Variants in RASAL1 observed in about 807,000 individuals in gnomAD.
RASAL1 encodes the protein rasGAP-activating-like protein 1.
In RASAL1, 72 loss-of-function variants were observed where a neutral mutation model predicts 96.6. The observed-to-expected ratio is 0.75, with a 90% confidence interval of 0.62 to 0.91. The LOEUF is 0.91. Among genes scored for constraint, RASAL1 ranks in the 40% least tolerant of loss-of-function variants. RASAL1 has a pLI of 0.00. For missense variants in RASAL1, 1,016 were observed against 1,072.5 expected (o/e 0.95, Z 0.74); for synonymous variants, 405 against 430.4 (o/e 0.94, Z 0.73).
At chr12:113,120,420 C>A (rs1951251816) in intron 5 of RASAL1, among the ~76,000 whole-genome samples, 2 of 152,150 alleles carry the variant, frequency 1.3e-5, no homozygotes, top group Non-Finnish European at 2.9e-5. Flanking sequence ...CTCTAGGAAG[C>A]CCCAGCTGAG....
At position 113,135,551 on chromosome 12, in the gene RASAL1, T is replaced by C. The variant is rs1951882961; in HGVS notation, c.-89A>G. On this transcript the variant is annotated 5_prime_UTR_variant, in exon 1 of 21. Transcript: ENST00000548055. The surrounding 1 kb of genome is among the most constrained non-coding windows in gnomAD (Gnocchi z 5.7). ...GTCTACATGTCACCTGCTTCAAGCC[T>C]GGCTCCCTGCCTCGTGGTCCCAGTG... 1 of 1,157,272 alleles carries C rather than the reference T, an allele frequency of 8.6e-7. No individual in the cohort carries two copies. Among genetic ancestry groups the C allele is most frequent in the South Asian group, 1.4e-5 (1 of 70,680 alleles). 71.7% of individuals were successfully genotyped at this position (1,157,272 alleles called of 1,614,324 possible). A position where few individuals can be genotyped will look rare whatever the true frequency, so the allele number is the denominator to read the frequency against.
chr12:113,135,552 G>T lies in RASAL1; in HGVS notation c.-90C>A. The T allele has an allele frequency of 8.7e-7, 1 of 1,149,706 alleles. No homozygotes were observed. Among genetic ancestry groups the T allele is most frequent in the Non-Finnish European group, 1.3e-6 (1 of 795,812 alleles). 71.2% of individuals were successfully genotyped at this position (1,149,706 alleles called of 1,614,324 possible). A position where few individuals can be genotyped will look rare whatever the true frequency, so the allele number is the denominator to read the frequency against. ...TCTACATGTCACCTGCTTCAAGCCT[G>T]GCTCCCTGCCTCGTGGTCCCAGTGC... On this transcript the variant is annotated 5_prime_UTR_variant, in exon 1 of 21. Transcript: ENST00000548055. This position sits in a 1 kb window ranked among gnomAD's most constrained non-coding sequence, Gnocchi z 5.7.
intron 4 of RASAL1, 118 bp from the exon 5 acceptor site, chr12:113,121,756 C>T: frequency 8.1e-7 from 1 of 1,236,920 alleles, no homozygotes; most frequent in Non-Finnish European, 1.1e-6. Flanking sequence ...GGGTCTGGTT[C>T]TGTTGCCCAG....
chr12:113,105,316 T>C (rs745423167), intron 16 of RASAL1, among the ~76,000 whole-genome samples: 13 of 152,390 alleles, frequency 8.5e-5, no homozygotes, highest in Non-Finnish European at 1.9e-4. Flanking sequence ...AACGAGTGAA[T>C]GAATGCTTGG....
At chr12:113,112,546 C>T (rs1448342543) in intron 12 of RASAL1, among the ~76,000 whole-genome samples, 1 of 152,186 alleles carries the variant, frequency 6.6e-6, no homozygotes, top group East Asian at 1.9e-4. Context: ...TCACCCCCTG[C>T]AAGTCTTTGC....
At chr12:113,110,647 C>A (rs950027314) in intron 13 of RASAL1, among the ~76,000 whole-genome samples, 4 of 152,126 alleles carry the variant, frequency 2.6e-5, no homozygotes, top group Non-Finnish European at 4.4e-5. Flanking sequence ...AGGCCGGGCG[C>A]GGTGGTTCAC....
chr12:113,112,563 G>A (rs988753647), intron 12 of RASAL1, among the ~76,000 whole-genome samples: 1 of 152,114 alleles, frequency 6.6e-6, no homozygotes, highest in Admixed American at 6.5e-5. Context: ...TTGCTTAGAT[G>A]TCCCCTCCCC....
intron 13 of RASAL1, 52 bp downstream of exon 13, chr12:113,112,034 C>T: frequency 8.2e-7 from 1 of 1,226,454 alleles, no homozygotes; most frequent in Admixed American, 4.2e-5. Flanking sequence ...CTCCGAGTGA[C>T]CCCGGACAAG....
chr12:113,107,038 C>T lies in RASAL1; in HGVS notation c.1657+59G>A, dbSNP rs115198254. On this transcript the variant is annotated intron_variant, in intron 15 of 20. Transcript: ENST00000548055. ...GAGCTGGAGGGGGAAAGGGGAAGTC[C>T]CTGAGTGGTGTCTCAACTGGGCTGA... The T allele has an allele frequency of 5.8e-4, 894 of 1,535,866 alleles. 4 individuals are homozygous for T. In the African/African-American group the frequency reaches 0.012, roughly 20 times the overall value.
intron 8 of RASAL1, 57 bp from the exon 9 acceptor site, chr12:113,116,108 G>T: frequency 2.1e-6 from 3 of 1,431,134 alleles, no homozygotes; most frequent in East Asian, 2.4e-5. Flanking sequence ...GATGGCTCAC[G>T]CCTGTAATCC....
intron 11 of RASAL1, 70 bp from the exon 12 acceptor site, chr12:113,114,982 AG>A: frequency 6.2e-6 from 8 of 1,284,274 alleles, no homozygotes; most frequent in Non-Finnish European, 9.0e-6. Flanking sequence ...AGCTGGGCGC[AG>A]GGGGGACCAT....
intron 18 of RASAL1, among the ~76,000 whole-genome samples, chr12:113,103,299 A>C (rs932596354): frequency 6.6e-6 from 1 of 150,814 alleles, no homozygotes; most frequent in African/African-American, 2.4e-5. Context: ...TGTTAATAAC[A>C]ATGTATAACA....
chr12:113,117,153 G>A lies in RASAL1; in HGVS notation c.651C>T (p.Phe217=). ...GCTTCTGCTGGAGGGTCTTTGGAGA[G>A]AACTCCACCTTTTGAGAGAGACACA... The part of the protein sequence containing the change: ...GKNDFLGMVE[F]SPKTLQQKPP... The change falls in exon 8 of 21, where the codon TTC becomes TTT. Residue 217 remains phenylalanine (F), a synonymous_variant. Coordinates refer to ENST00000548055, the MANE Select transcript of RASAL1 (RefSeq NM_001301202.2). 1 of 1,597,986 alleles carries A rather than the reference G, an allele frequency of 6.3e-7. No homozygotes were observed. Among genetic ancestry groups the A allele is most frequent in the Non-Finnish European group, 8.6e-7 (1 of 1,167,668 alleles).
At chr12:113,118,344 T>C (rs1951165908) in intron 7 of RASAL1, among the ~76,000 whole-genome samples, 1 of 152,250 alleles carries the variant, frequency 6.6e-6, no homozygotes, top group South Asian at 2.1e-4. Flanking sequence ...CTTACTGTAC[T>C]TCATTCCTTT....
At chr12:113,101,095 G>A (rs888277031) in intron 19 of RASAL1, among the ~76,000 whole-genome samples, 4 of 152,102 alleles carry the variant, frequency 2.6e-5, no homozygotes, top group Non-Finnish European at 5.9e-5. Flanking sequence ...CCACGAGGTC[G>A]CCACCATTAT....
rs1245162828 is a variant in RASAL1, at chr12:113,101,813, G to T, written c.2225+76C>A. 4 of 1,525,402 alleles carry T rather than the reference G, an allele frequency of 2.6e-6. No homozygotes were observed. The African/African-American group carries it at 4.1e-5, about 16-fold the overall frequency. 94.5% of individuals were successfully genotyped at this position (1,525,402 alleles called of 1,614,324 possible). A position where few individuals can be genotyped will look rare whatever the true frequency, so the allele number is the denominator to read the frequency against. ...ACACACATGGGAAGAATGAATAAAT[G>T]GACACAGCAAGGCCACGGTGGGGGG... On this transcript the variant is annotated intron_variant, in intron 19 of 20. Transcript: ENST00000548055.
intron 4 of RASAL1, among the ~76,000 whole-genome samples, chr12:113,125,567 A>T (rs1211969815): frequency 6.6e-6 from 1 of 152,256 alleles, no homozygotes; most frequent in African/African-American, 2.4e-5. Context: ...CAGATACACG[A>T]TCAAAAAGTT....
intron 4 of RASAL1, among the ~76,000 whole-genome samples, chr12:113,127,245 TAGA>T (rs1426547928): frequency 6.6e-6 from 1 of 152,146 alleles, no homozygotes; most frequent in African/African-American, 2.4e-5. Flanking sequence ...AAAATATTTC[TAGA>T]AGGACATACA....
intron 12 of RASAL1, among the ~76,000 whole-genome samples, chr12:113,113,476 A>G (rs187338024): frequency 1.7e-3 from 256 of 152,222 alleles, no homozygotes; most frequent in African/African-American, 6.0e-3. Context: ...AGTTTCCTCC[A>G]TCGTTATCAA....
Sources: allele counts gnomAD v4.1 joint callset (sites outside exome capture counted in the v4.1 genomes callset), GRCh38; gene constraint gnomAD v4.1.1; non-coding constraint Gnocchi (gnomAD v3.1); transcripts MANE v1.5; gene names NCBI Gene and HGNC (gene_info 2026-07-23, HGNC 2026-07-21).